Variants in EFCAB13 observed in about 807,000 individuals in gnomAD.
EFCAB13 encodes EF-hand calcium binding domain 13, also known as EF-hand calcium-binding domain-containing protein 13.
Under a neutral mutation model 110.2 loss-of-function variants are expected in EFCAB13, and 91 were observed. That is an observed-to-expected ratio of 0.83 (90% CI 0.70 to 0.98). The LOEUF is 0.98. Ranked by LOEUF, EFCAB13 falls within the 50% of genes least tolerant of loss-of-function variation. The pLI is 0.00. For synonymous variants in EFCAB13, 323 were observed against 369.9 expected (o/e 0.87, Z 1.45); for missense variants, 968 against 1,119.4 (o/e 0.86, Z 1.93).
chr17:47,395,912 C>T lies in EFCAB13; in HGVS notation c.1880C>T (p.Ser627Phe), dbSNP rs749417952. Residue 627 changes from serine to phenylalanine, a missense_variant, in exon 17 of 25, where the codon TCT becomes TTT. Transcript: ENST00000331493. ...GTTTCTGACCTGTGGAATACTCTGT[C>T]TAGTTTGAATAGTAATTTAAAAAAG... ...MSVSDLWNTL[S>F]SLNSNLKKDE... 3 of 1,610,916 alleles carry T rather than the reference C, an allele frequency of 1.9e-6. No individual in the cohort carries two copies. The Admixed American group carries it at 5.0e-5, about 27-fold the overall frequency.
At chr17:47,415,368 C>A (rs1055207919) in intron 23 of EFCAB13, among the ~76,000 whole-genome samples, 239 of 151,836 alleles carry the variant, frequency 1.6e-3, no homozygotes, top group African/African-American at 5.3e-3. Flanking sequence ...GCACATGTAC[C>A]CTAAAACTTA....
At chr17:47,399,386 T>C (rs2065767215) in intron 17 of EFCAB13, among the ~76,000 whole-genome samples, 1 of 152,240 alleles carries the variant, frequency 6.6e-6, no homozygotes, top group Non-Finnish European at 1.5e-5. Context: ...GTTCTTATTT[T>C]AATGCAGTGG....
At position 47,396,047 on chromosome 17, in the gene EFCAB13, A is replaced by C. The variant is rs146014746; in HGVS notation, c.1945+70A>C. 8.4e-4 allele frequency: 1,168 copies of C among 1,388,608 alleles called. 11 individuals carry two copies. In the African/African-American group the frequency reaches 0.015, roughly 18 times the overall value. The allele number at this position is 1,388,608 out of a possible 1,614,324, so 86.0% of individuals were successfully genotyped here. A position where few individuals can be genotyped will look rare whatever the true frequency, so the allele number is the denominator to read the frequency against. On this transcript the variant is annotated intron_variant, in intron 17 of 24. Coordinates refer to ENST00000331493, the MANE Select transcript of EFCAB13 (RefSeq NM_152347.5). ...ACTTTATTTTCTGTCAACTCTTGTC[A>C]TTGTATCTTGTACTTGGCGAGACGG... is the stretch of plus-strand genomic sequence containing the variant.
intron 23 of EFCAB13, among the ~76,000 whole-genome samples, chr17:47,420,477 GCCGCCA>G (rs1904621843): frequency 7.4e-6 from 1 of 135,570 alleles, no homozygotes. Context: ...TCTCTGCCCG[GCCGCCA>G]TCCCATCTAG....
chr17:47,374,970 A>C lies in EFCAB13; in HGVS notation c.1372+4A>C, dbSNP rs2065606677. The C allele has an allele frequency of 6.5e-7, 1 of 1,547,164 alleles. No homozygotes were observed. Among genetic ancestry groups the C allele is most frequent in the Non-Finnish European group, 8.7e-7 (1 of 1,155,434 alleles). On this transcript the variant is annotated splice_donor_region_variant and intron_variant, in intron 12 of 24. Coordinates refer to ENST00000331493, the MANE Select transcript of EFCAB13 (RefSeq NM_152347.5). ...AAAACTGCAATTAGTACTCTGGGTA[A>C]GTAAAAATCTAGGTTCTTGAGTTCT...
At chr17:47,355,971 A>G (rs548211329) in intron 9 of EFCAB13, among the ~76,000 whole-genome samples, 1 of 152,126 alleles carries the variant, frequency 6.6e-6, no homozygotes, top group East Asian at 1.9e-4. Flanking sequence ...TTTTTCTTCT[A>G]CTTATTTGAT....
intron 22 of EFCAB13, 141 bp downstream of exon 22, chr17:47,413,057 A>T: frequency 2.9e-6 from 2 of 695,362 alleles, no homozygotes; most frequent in Non-Finnish European, 4.5e-6. Context: ...TTAGAGCCAA[A>T]CCACTCTACT....
chr17:47,328,453 A>G, intron 4 of EFCAB13, 70 bp downstream of exon 4: 2 of 1,251,084 alleles, frequency 1.6e-6, no homozygotes, highest in South Asian at 1.4e-5. Flanking sequence ...ATTACCTCAT[A>G]TTCATAATCA....
chr17:47,367,811 G>C (rs16941923), intron 10 of EFCAB13, among the ~76,000 whole-genome samples: 1 of 152,084 alleles, frequency 6.6e-6, no homozygotes, highest in Admixed American at 6.6e-5. Context: ...AATGGAACCT[G>C]TCCCTCGAGA....
chr17:47,412,960 C>T (rs759602918), intron 22 of EFCAB13, 44 bp downstream of exon 22: 3 of 1,582,274 alleles, frequency 1.9e-6, no homozygotes, highest in Admixed American at 1.8e-5. Flanking sequence ...TTTTTTTCTA[C>T]TTATGAAAAA....
At chr17:47,408,012 G>C (rs552834946) in intron 20 of EFCAB13, among the ~76,000 whole-genome samples, 1 of 152,258 alleles carries the variant, frequency 6.6e-6, no homozygotes, top group Non-Finnish European at 1.5e-5. Flanking sequence ...GTGATCTGAT[G>C]ACCTGGATTG....
intron 23 of EFCAB13, among the ~76,000 whole-genome samples, chr17:47,423,086 T>A (rs1221763995): frequency 1.3e-5 from 2 of 152,234 alleles, no homozygotes; most frequent in African/African-American, 4.8e-5. Context: ...ATTAAAAAGT[T>A]AATCTTGGTG....
In EFCAB13 at chr17:47,344,985, C is replaced by A. The variant is rs895866868; in HGVS notation, c.435-31C>A. 2.6e-6 allele frequency: 4 copies of A among 1,532,302 alleles called. No individual in the cohort carries two copies. The African/African-American group carries it at 5.5e-5, about 21-fold the overall frequency. 94.9% of individuals were successfully genotyped at this position (1,532,302 alleles called of 1,614,324 possible). A position where few individuals can be genotyped will look rare whatever the true frequency, so the allele number is the denominator to read the frequency against. ...AAATGGAATTTGCATATTTTCATTG[C>A]CACTTTCTAATATGGCTGTTTCTTT... On this transcript the variant is annotated intron_variant, in intron 7 of 24. Transcript: ENST00000331493.
intron 21 of EFCAB13, 125 bp downstream of exon 21, chr17:47,409,816 A>G: frequency 1.4e-6 from 1 of 708,502 alleles, no homozygotes; most frequent in Non-Finnish European, 2.5e-6. Context: ...ATTTTTCCAC[A>G]ATAGTAATCT....
Position 47,380,350 on chromosome 17 carries a change from G to A in EFCAB13, c.1582+1097G>A, listed in dbSNP as rs533403911. Among the ~76,000 whole-genome samples the A allele has an allele frequency of 1.8e-4, 27 of 152,136 alleles. No individual in the cohort carries two copies. In the South Asian group the frequency reaches 3.7e-3, roughly 21 times the overall value. On this transcript the variant is annotated intron_variant, in intron 14 of 24. Coordinates refer to ENST00000331493, the MANE Select transcript of EFCAB13 (RefSeq NM_152347.5). ...GTGGTGTTTGGTTTTCTGTTCCTGC[G>A]TTAGTTTGCTGAGGATGATGGTTTC... is the stretch of plus-strand genomic sequence containing the variant.
chr17:47,327,308 G>A (rs2065291974), intron 3 of EFCAB13, among the ~76,000 whole-genome samples: 1 of 152,012 alleles, frequency 6.6e-6, no homozygotes, highest in South Asian at 2.1e-4. Context: ...GGGATTATAG[G>A]TGCGTGCCAC....
chr17:47,338,243 G>GTTTTTTTTTTTTTT (rs11334311), intron 5 of EFCAB13, among the ~76,000 whole-genome samples: 1 of 137,796 alleles, frequency 7.3e-6, no homozygotes, highest in Non-Finnish European at 1.6e-5. Flanking sequence ...GTCACTACTA[G>GTTTTTTTTTTTTTT]TTTTTTTTTT....
chr17:47,382,665 G>A (rs774932756), intron 14 of EFCAB13, among the ~76,000 whole-genome samples: 109 of 151,626 alleles, frequency 7.2e-4, no homozygotes, highest in Non-Finnish European at 1.3e-3. Flanking sequence ...GCTTTTTGAT[G>A]TGTGGCTGGA....
At chr17:47,379,385 C>A in intron 14 of EFCAB13, 132 bp downstream of exon 14, 1 of 620,430 alleles carries the variant, frequency 1.6e-6, no homozygotes. Flanking sequence ...AAGTCAGTTG[C>A]CAGTTTTTAA....
Sources: allele counts gnomAD v4.1 joint callset (sites outside exome capture counted in the v4.1 genomes callset), GRCh38; gene constraint gnomAD v4.1.1; transcripts MANE v1.5; gene names NCBI Gene and HGNC (gene_info 2026-07-23, HGNC 2026-07-21).